MDN1: variants seen among roughly 807,000 people sequenced by gnomAD.
The protein encoded by MDN1 is midasin AAA ATPase 1, also known as midasin.
Under a neutral mutation model 669.2 loss-of-function variants are expected in MDN1, and 266 were observed. The observed-to-expected ratio is 0.40, with a 90% CI of 0.36 to 0.44. The LOEUF (loss-of-function observed/expected upper bound fraction) is 0.44, where lower values mean the gene tolerates loss of function less well. Among genes scored for constraint, MDN1 ranks in the 20% least tolerant of loss-of-function variants. The probability of loss-of-function intolerance (pLI) is 1.00; values close to 1 mark genes in which losing one functional copy is unlikely to be tolerated. For missense variants in MDN1, 5,940 were observed against 6,754.0 expected (o/e 0.88, Z 4.22); for synonymous variants, 2,385 against 2,457.1 (o/e 0.97, Z 0.87).
At chr6:89,763,344 A>C (rs1489207880) in intron 15 of MDN1, among the ~76,000 whole-genome samples, 5 of 151,742 alleles carry the variant, frequency 3.3e-5, no homozygotes, top group Non-Finnish European at 7.4e-5. Context: ...AAAAAAAAAA[A>C]AAAAAAAAAA....
At chr6:89,685,039 G>C in intron 70 of MDN1, 54 bp from the exon 71 acceptor site, 1 of 1,201,882 alleles carries the variant, frequency 8.3e-7, no homozygotes. Flanking sequence ...TGTGCTACTG[G>C]TGCCAGCTGT....
chr6:89,708,387 C>T (rs1050769611), intron 51 of MDN1, 109 bp downstream of exon 51: 1 of 1,352,702 alleles, frequency 7.4e-7, no homozygotes, highest in Non-Finnish European at 1.0e-6. Context: ...CACAACTTCT[C>T]AGGTTCACAA....
intron 78 of MDN1, 77 bp downstream of exon 78, chr6:89,675,387 C>G (rs1311577174): frequency 8.3e-7 from 1 of 1,208,566 alleles, no homozygotes; most frequent in African/African-American, 1.5e-5. Flanking sequence ...TTCCTCTCCC[C>G]ACATGCAGCA....
intron 69 of MDN1, among the ~76,000 whole-genome samples, chr6:89,686,652 C>A (rs776190574): frequency 6.6e-5 from 10 of 152,208 alleles, no homozygotes; most frequent in African/African-American, 2.4e-4. Context: ...CCTTATCCTA[C>A]GACTGGTTCT....
chr6:89,796,334 A>AC (rs1562228888), intron 2 of MDN1, among the ~76,000 whole-genome samples: 16 of 111,558 alleles, frequency 1.4e-4, no homozygotes, highest in Admixed American at 1.8e-4. Flanking sequence ...CAAAAAAAAA[A>AC]AAAAAAAAAA....
rs762366563 is a variant in MDN1, at chr6:89,708,615, G to C, written c.7779C>G (p.Ile2593Met). The change falls in exon 51 of 102, where the codon ATC (isoleucine) becomes ATG (methionine). Residue 2593 changes from isoleucine (I) to methionine (M), a missense_variant. Physicochemically the swap from Ile to Met is conservative, Grantham distance 10. Around this residue, in one of 5 missense-constraint regions of MDN1, gnomAD observed 2,292 missense variants for 2,638.3 expected, o/e 0.87. Transcript: ENST00000369393. ...GCATATTCCATCGGGGATCCAGAGG[G>C]ATCACAAATTCATCTAGTTTAAAAA... ...LQPNTTDEFV[I>M]PLDPRWNMQA... The C allele has an allele frequency of 1.4e-5, 23 of 1,613,454 alleles. No individual in the cohort carries two copies. Among genetic ancestry groups the C allele is most frequent in the Non-Finnish European group, 1.9e-5 (23 of 1,179,724 alleles).
intron 17 of MDN1, among the ~76,000 whole-genome samples, chr6:89,760,508 C>T (rs756132981): frequency 6.6e-6 from 1 of 151,946 alleles, no homozygotes; most frequent in Non-Finnish European, 1.5e-5. Flanking sequence ...AACAATATGT[C>T]GAAGGGATGT....
intron 38 of MDN1, among the ~76,000 whole-genome samples, chr6:89,724,375 C>T (rs1421538750): frequency 6.6e-6 from 1 of 151,976 alleles, no homozygotes; most frequent in African/African-American, 2.4e-5. Flanking sequence ...CTCCGCCTCC[C>T]GGGTTCAAGA....
intron 19 of MDN1, among the ~76,000 whole-genome samples, chr6:89,757,483 C>A (rs1023098238): frequency 1.8e-4 from 28 of 152,164 alleles, no homozygotes; most frequent in Non-Finnish European, 3.5e-4. Context: ...GAAAAATTCT[C>A]CAGTGTTCTG....
intron 2 of MDN1, among the ~76,000 whole-genome samples, chr6:89,801,845 C>T (rs1767687645): frequency 6.6e-6 from 1 of 151,382 alleles, no homozygotes; most frequent in South Asian, 2.1e-4. Context: ...ATCTGTAGTC[C>T]CAGCTACTCA....
At chr6:89,741,680 G>A (rs149981223) in intron 31 of MDN1, among the ~76,000 whole-genome samples, 2 of 152,250 alleles carry the variant, frequency 1.3e-5, no homozygotes, top group South Asian at 2.1e-4. Flanking sequence ...ACCTGGAATG[G>A]AAACCCATAC....
Position 89,710,786 on chromosome 6 carries a change from G to C in MDN1, c.7660C>G (p.Gln2554Glu). ...KNIPQGLESIQIHLEASAASL... is the reference protein window; with the variant it reads ...KNIPQGLESIEIHLEASAASL... ...GCAGCACTGGCTTCCAAATGAATTT[G>C]TATGGACTCTGTGGAGGAAGGAGAA... Residue 2554 changes from glutamine (Q) to glutamate (E), a missense_variant, in exon 50 of 102, where the codon CAA becomes GAA. Transcript: ENST00000369393. 6.3e-7 allele frequency: 1 copy of C among 1,594,492 alleles called. No homozygotes were observed.
rs750171160 is a variant in MDN1 at position 89,723,497 on chromosome 6, C to T, written c.5778+15G>A. On this transcript the variant is annotated intron_variant, in intron 39 of 101. Transcript: ENST00000369393. ...AGCCAGAAAAAAAAAGAAACCAATA[C>T]GTGTAGGTACTTACTTGGTTATTGA... The T allele has an allele frequency of 1.7e-5, 24 of 1,403,446 alleles. No individual in the cohort carries two copies. Among genetic ancestry groups the T allele is most frequent in the Middle Eastern group, 1.8e-4 (1 of 5,552 alleles). The allele number at this position is 1,403,446 out of a possible 1,614,324, so 86.9% of individuals were successfully genotyped here.
At chr6:89,687,526 G>A in intron 67 of MDN1, 88 bp from the exon 68 acceptor site, 1 of 1,141,340 alleles carries the variant, frequency 8.8e-7, no homozygotes, top group East Asian at 2.5e-5. Context: ...CTTTGCTTGA[G>A]TGAAGACTAC....
intron 74 of MDN1, 22 bp from the exon 75 acceptor site, chr6:89,678,767 G>A (rs1265130672): frequency 1.3e-6 from 2 of 1,598,588 alleles, no homozygotes; most frequent in Non-Finnish European, 1.7e-6. Context: ...AACAAGGCGG[G>A]GAGGGGAGAC....
At chr6:89,714,977 G>C (rs1377981974) in intron 45 of MDN1, among the ~76,000 whole-genome samples, 1 of 152,160 alleles carries the variant, frequency 6.6e-6, no homozygotes, top group Non-Finnish European at 1.5e-5. Context: ...TTAGTGCTGA[G>C]AACTTTAAAA....
At chr6:89,665,706 CAA>C (rs61352567) in intron 84 of MDN1, among the ~76,000 whole-genome samples, 10,512 of 125,104 alleles carry the variant, frequency 0.084, 317 homozygotes, top group South Asian at 0.13. Flanking sequence ...GACTCCGTTT[CAA>C]AAAAAAAAAA....
At position 89,675,454 on chromosome 6, in the gene MDN1, C is replaced by G; in HGVS notation, c.12761+10G>C. ...AATTCATGCCACAAGCCCAACTCAT[C>G]AGCTGATACCTGAGGATGATCCACT... On this transcript the variant is annotated intron_variant, in intron 78 of 101. Coordinates refer to ENST00000369393, the MANE Select transcript of MDN1 (RefSeq NM_014611.3). 1 of 1,610,872 alleles carries G rather than the reference C, an allele frequency of 6.2e-7. No individual in the cohort carries two copies. Among genetic ancestry groups the G allele is most frequent in the Admixed American group, 1.7e-5 (1 of 59,904 alleles).
chr6:89,664,190 G>A lies in MDN1; in HGVS notation c.14236+297C>T, dbSNP rs1397152412. 2.7e-5 allele frequency among the ~76,000 whole-genome samples: 4 copies of A among 149,086 alleles called. No homozygotes were observed. The East Asian group carries it at 8.0e-4, about 30-fold the overall frequency. On this transcript the variant is annotated intron_variant, in intron 85 of 101. Transcript: ENST00000369393. ...ACTACAGAACAATTTGCCTTTTGTT[G>A]AAAGCCCTTTTCCATTAGGGATCAT... is the stretch of plus-strand genomic sequence containing the variant.
Sources: allele counts gnomAD v4.1 joint callset (sites outside exome capture counted in the v4.1 genomes callset), GRCh38; gene constraint gnomAD v4.1.1; regional missense constraint gnomAD v4.1.1; transcripts MANE v1.5; gene names NCBI Gene and HGNC (gene_info 2026-07-23, HGNC 2026-07-21).